Variants in MGAT4C observed in about 807,000 individuals in gnomAD.
The protein encoded by MGAT4C is alpha-1,3-mannosyl-glycoprotein 4-beta-N-acetylglucosaminyltransferase C.
Under a neutral mutation model 40.1 loss-of-function variants are expected in MGAT4C, and 19 were observed. The ratio of observed to expected loss-of-function variants is 0.47; its 90% confidence interval spans 0.33 to 0.70. MGAT4C has a LOEUF of 0.70. Among genes scored for constraint, MGAT4C ranks in the 30% least tolerant of loss-of-function variants. The pLI is 0.02. For missense variants in MGAT4C, 491 were observed against 563.2 expected (o/e 0.87, Z 1.30); for synonymous variants, 181 against 187.1 (o/e 0.97, Z 0.27).
At chr12:86,046,814 A>G (rs553663517) in intron 2 of MGAT4C, among the ~76,000 whole-genome samples, 1 of 152,308 alleles carries the variant, frequency 6.6e-6, no homozygotes, top group South Asian at 2.1e-4. Context: ...ATCAAAATAG[A>G]GTGGATACAG....
intron 2 of MGAT4C, among the ~76,000 whole-genome samples, chr12:86,498,418 A>C (rs1958280218): frequency 6.6e-6 from 1 of 151,916 alleles, no homozygotes; most frequent in Non-Finnish European, 1.5e-5. Context: ...AATATCAGAA[A>C]AATTCAGAAA....
chr12:86,644,194 G>C (rs758618029), intron 2 of MGAT4C, among the ~76,000 whole-genome samples: 1 of 151,496 alleles, frequency 6.6e-6, no homozygotes, highest in African/African-American at 2.4e-5. Flanking sequence ...AGATACAACT[G>C]ACAAAGAGTT....
intron 2 of MGAT4C, among the ~76,000 whole-genome samples, chr12:86,587,429 A>G (rs1486521012): frequency 6.6e-6 from 1 of 151,826 alleles, no homozygotes; most frequent in Admixed American, 6.6e-5. Context: ...TTGACTTGGC[A>G]ATGCGGACTG....
At chr12:86,182,794 G>C (rs920937841) in intron 1 of MGAT4C, among the ~76,000 whole-genome samples, 8 of 152,100 alleles carry the variant, frequency 5.3e-5, no homozygotes, top group Non-Finnish European at 1.2e-4. Flanking sequence ...AGTTAGTATG[G>C]TCATGATATA....
chr12:86,249,558 A>C (rs1952178933), intron 1 of MGAT4C, among the ~76,000 whole-genome samples: 1 of 152,142 alleles, frequency 6.6e-6, no homozygotes, highest in Admixed American at 6.6e-5. Context: ...AAATTTGAAT[A>C]ACCTAATTTA....
chr12:86,573,205 A>G lies in MGAT4C; in HGVS notation c.-228-137940T>C, dbSNP rs1376870839. Among the ~76,000 whole-genome samples, 5 of 152,138 alleles carry G rather than the reference A, an allele frequency of 3.3e-5. No individual in the cohort carries two copies. In the South Asian group the frequency reaches 8.3e-4, roughly 25 times the overall value. On this transcript the variant is annotated intron_variant, in intron 2 of 7. Transcript: ENST00000548651. ...CTGTCTCATGGTAAGTATACAAGAAATTTTAGCCATTTTAATATTTTTGAA... is the reference window on the plus strand; with the variant it reads ...CTGTCTCATGGTAAGTATACAAGAAGTTTTAGCCATTTTAATATTTTTGAA...
intron 2 of MGAT4C, among the ~76,000 whole-genome samples, chr12:86,697,069 A>G (rs1024526837): frequency 2.6e-5 from 4 of 152,132 alleles, no homozygotes; most frequent in African/African-American, 9.7e-5. Context: ...AGTAAATCCT[A>G]TATCTGATAA....
At chr12:86,236,718 T>C (rs1480834970) in intron 1 of MGAT4C, among the ~76,000 whole-genome samples, 1 of 151,934 alleles carries the variant, frequency 6.6e-6, no homozygotes, top group Non-Finnish European at 1.5e-5. Flanking sequence ...TGCAAGCAGA[T>C]ATAGTTACTA....
At chr12:86,741,116 C>T (rs182732738) in intron 1 of MGAT4C, among the ~76,000 whole-genome samples, 1 of 150,964 alleles carries the variant, frequency 6.6e-6, no homozygotes, top group East Asian at 2.0e-4. Flanking sequence ...GTTTTCTGTT[C>T]CTGGTTTATT....
chr12:86,235,100 A>C (rs1951477438), intron 1 of MGAT4C, among the ~76,000 whole-genome samples: 1 of 152,004 alleles, frequency 6.6e-6, no homozygotes, highest in Non-Finnish European at 1.5e-5. Flanking sequence ...GGGTTAGTTC[A>C]TACATCTTCA....
At chr12:86,179,925 T>C (rs59203127) in intron 1 of MGAT4C, among the ~76,000 whole-genome samples, 12,678 of 152,232 alleles carry the variant, frequency 0.083, 627 homozygotes, top group Middle Eastern at 0.22. Context: ...AAGATACTAA[T>C]GTTAATCCCC....
chr12:86,465,805 T>A (rs980620534), intron 2 of MGAT4C, among the ~76,000 whole-genome samples: 7 of 152,200 alleles, frequency 4.6e-5, no homozygotes, highest in Non-Finnish European at 8.8e-5. Context: ...TACAGCATTT[T>A]GGAAGAGAGT....
At chr12:86,426,461 T>G (rs917853667) in intron 3 of MGAT4C, among the ~76,000 whole-genome samples, 4 of 152,200 alleles carry the variant, frequency 2.6e-5, no homozygotes, top group Non-Finnish European at 4.4e-5. Flanking sequence ...AATAATCATA[T>G]GTATAATAAA....
intron 2 of MGAT4C, among the ~76,000 whole-genome samples, chr12:86,715,474 G>A (rs1396697810): frequency 6.6e-6 from 1 of 152,058 alleles, no homozygotes; most frequent in Non-Finnish European, 1.5e-5. Context: ...CTACCAAGCT[G>A]TATGTTTTTC....
chr12:86,442,358 A>G (rs1250235718), intron 2 of MGAT4C, among the ~76,000 whole-genome samples: 6 of 152,100 alleles, frequency 3.9e-5, no homozygotes, highest in Non-Finnish European at 7.3e-5. Context: ...ATTAGATCCC[A>G]TTTGTCAATT....
Position 86,699,005 on chromosome 12 carries a change from A to G in MGAT4C, c.-229+28204T>C, listed in dbSNP as rs535729729. On this transcript the variant is annotated intron_variant, in intron 2 of 7. Transcript: ENST00000548651. ...GTTAAGTGCTTTAGAGCAACAAGGC[A>G]TATTCTTCTCCATTTTTTACTAACT... 5.3e-5 allele frequency among the ~76,000 whole-genome samples: 8 copies of G among 152,276 alleles called. No homozygotes were observed. In the East Asian group the frequency reaches 1.4e-3, roughly 26 times the overall value.
At chr12:86,731,510 C>A (rs559602477) in intron 1 of MGAT4C, among the ~76,000 whole-genome samples, 11 of 152,038 alleles carry the variant, frequency 7.2e-5, no homozygotes, top group Admixed American at 2.0e-4. Context: ...CTTTAAAATT[C>A]TTTTGCCCTT....
chr12:86,807,060 C>T (rs12370725), intron 1 of MGAT4C, among the ~76,000 whole-genome samples: 14,731 of 151,428 alleles, frequency 0.097, 990 homozygotes, highest in Non-Finnish European at 0.14. Flanking sequence ...AAAAAGAAAA[C>T]GTCTTATATA....
chr12:86,726,972 G>A (rs949384163), intron 2 of MGAT4C, among the ~76,000 whole-genome samples: 7 of 152,028 alleles, frequency 4.6e-5, no homozygotes, highest in Admixed American at 3.3e-4. Context: ...AAACTAAGAC[G>A]TGAATTATAT....
Sources: allele counts gnomAD v4.1 joint callset (sites outside exome capture counted in the v4.1 genomes callset), GRCh38; gene constraint gnomAD v4.1.1; transcripts MANE v1.5; gene names NCBI Gene and HGNC (gene_info 2026-07-23, HGNC 2026-07-21).